Variants in RGS6 observed in about 807,000 individuals in gnomAD.
The protein encoded by RGS6 is regulator of G-protein signaling 6.
RGS6 carries 30 observed loss-of-function variants against 78.5 expected under a neutral mutation model. The observed-to-expected ratio is 0.38, with a 90% CI of 0.29 to 0.52. RGS6 has a LOEUF of 0.52. Ranked by LOEUF, RGS6 falls within the 20% of genes least tolerant of loss-of-function variation. The probability of loss-of-function intolerance (pLI) is 0.85; values close to 1 mark genes in which losing one functional copy is unlikely to be tolerated. For synonymous variants in RGS6, 206 were observed against 206.0 expected, an observed-to-expected ratio of 1.00 and a Z score of 0.00; for missense variants, 495 against 609.7, an observed-to-expected ratio of 0.81 and a Z score of 1.98.
chr14:72,511,697 G>A (rs1462586443), intron 14 of RGS6: 1 of 152,248 alleles, frequency 6.6e-6, no homozygotes, highest in African/African-American at 2.4e-5. Context: ...ACCAAATGAG[G>A]AAAGAGGTGG....
At chr14:72,026,701 C>T (rs1231375460) in intron 2 of RGS6, among the ~76,000 whole-genome samples, 1 of 152,236 alleles carries the variant, frequency 6.6e-6, no homozygotes, top group Non-Finnish European at 1.5e-5. Context: ...CATCAGCCAT[C>T]TGTCCTGCTC....
intron 2 of RGS6, among the ~76,000 whole-genome samples, chr14:71,978,297 A>T (rs1206645989): frequency 2.4e-5 from 3 of 124,338 alleles, no homozygotes; most frequent in Non-Finnish European, 5.1e-5. Context: ...TTCCAACACT[A>T]TGTTGAATAG....
At chr14:72,370,612 T>C (rs1344095131) in intron 3 of RGS6, among the ~76,000 whole-genome samples, 1 of 152,164 alleles carries the variant, frequency 6.6e-6, no homozygotes, top group East Asian at 1.9e-4. Flanking sequence ...AGGCAGCAAC[T>C]ATATTAAACA....
At chr14:72,484,279 A>G (rs1236007047) in intron 12 of RGS6, among the ~76,000 whole-genome samples, 4 of 152,238 alleles carry the variant, frequency 2.6e-5, no homozygotes, top group Non-Finnish European at 5.9e-5. Context: ...ATAATGCTTT[A>G]GATTCCAGGC....
At chr14:72,521,964 T>A (rs2097049549) in intron 15 of RGS6, among the ~76,000 whole-genome samples, 1 of 152,226 alleles carries the variant, frequency 6.6e-6, no homozygotes, top group Non-Finnish European at 1.5e-5. Context: ...TTGGTAAAAA[T>A]TTTTAAATAA....
intron 3 of RGS6, among the ~76,000 whole-genome samples, chr14:72,377,344 A>G (rs1170814071): frequency 1.3e-5 from 2 of 152,238 alleles, no homozygotes; most frequent in Non-Finnish European, 2.9e-5. Flanking sequence ...CAGCAAGAGA[A>G]TATAACAATT....
At position 72,243,928 on chromosome 14, in the gene RGS6, C is replaced by T. The variant is rs372436701; in HGVS notation, c.85-108167C>T. ...GATCATGGACCAGAAATGTTACTCT[C>T]CAAAGGTTTGCTAGAGCTTTACTTT... is the stretch of plus-strand genomic sequence containing the variant. On this transcript the variant is annotated intron_variant, in intron 2 of 17. Transcript: ENST00000553525. Among the ~76,000 whole-genome samples the T allele has an allele frequency of 8.5e-5, 13 of 152,268 alleles. No homozygotes were observed. The East Asian group carries it at 2.3e-3, about 27-fold the overall frequency.
At chr14:71,995,278 G>A (rs967171398) in intron 2 of RGS6, among the ~76,000 whole-genome samples, 3 of 152,158 alleles carry the variant, frequency 2.0e-5, no homozygotes, top group African/African-American at 7.2e-5. Flanking sequence ...GGAAGATCTG[G>A]CAACACCAGG....
chr14:72,281,536 A>G (rs934245893), intron 2 of RGS6, among the ~76,000 whole-genome samples: 3 of 152,194 alleles, frequency 2.0e-5, no homozygotes, highest in Admixed American at 1.3e-4. Context: ...TTCTACTACT[A>G]GAGGAATACA....
intron 17 of RGS6, among the ~76,000 whole-genome samples, chr14:72,549,189 T>A (rs1261166138): frequency 1.3e-5 from 2 of 151,990 alleles, no homozygotes; most frequent in African/African-American, 4.8e-5. Flanking sequence ...AGGGAAACCG[T>A]CAGGAAGTGG....
chr14:72,009,667 C>G (rs1365729066), intron 2 of RGS6, among the ~76,000 whole-genome samples: 1 of 152,192 alleles, frequency 6.6e-6, no homozygotes, highest in African/African-American at 2.4e-5. Context: ...AGCTCCTGAG[C>G]TAGGAGCACC....
chr14:72,309,435 AAGTG>A (rs2068034670), intron 2 of RGS6, among the ~76,000 whole-genome samples: 1 of 152,216 alleles, frequency 6.6e-6, no homozygotes, highest in Admixed American at 6.5e-5. Flanking sequence ...CTAAGCAGAT[AAGTG>A]AGTGAGTGGA....
intron 15 of RGS6, among the ~76,000 whole-genome samples, chr14:72,532,440 C>G (rs1444042264): frequency 6.6e-6 from 1 of 152,118 alleles, no homozygotes; most frequent in Non-Finnish European, 1.5e-5. Flanking sequence ...GAAATTGGGC[C>G]AATTAATAAC....
chr14:72,133,979 T>G (rs2096384812), intron 2 of RGS6, among the ~76,000 whole-genome samples: 2 of 152,174 alleles, frequency 1.3e-5, no homozygotes, highest in Non-Finnish European at 2.9e-5. Context: ...AACCCAGACA[T>G]AGCATCTTTC....
In RGS6 at chr14:72,200,915, G is replaced by T. The variant is rs563961605; in HGVS notation, c.85-151180G>T. Among the ~76,000 whole-genome samples, 3 of 143,190 alleles carry T rather than the reference G, an allele frequency of 2.1e-5. No individual in the cohort carries two copies. The East Asian group carries it at 6.4e-4, about 31-fold the overall frequency. The allele number at this position is 143,190 out of a possible 152,430, so 93.9% of individuals were successfully genotyped here. ...GGATGAGGGGGGTTGGTATGATTTAGGGACAGTTCCTAGAAGGAGATACTT... is the reference window on the plus strand; with the variant it reads ...GGATGAGGGGGGTTGGTATGATTTATGGACAGTTCCTAGAAGGAGATACTT... On this transcript the variant is annotated intron_variant, in intron 2 of 17. Coordinates refer to ENST00000553525, the MANE Select transcript of RGS6 (RefSeq NM_001204424.2).
chr14:72,319,120 GATATT>G (rs1424569628), intron 2 of RGS6, among the ~76,000 whole-genome samples: 2 of 152,088 alleles, frequency 1.3e-5, no homozygotes, highest in South Asian at 2.1e-4. Flanking sequence ...ACACTACAAA[GATATT>G]ATAATATAAA....
intron 2 of RGS6, among the ~76,000 whole-genome samples, chr14:72,117,274 C>CT (rs1344924325): frequency 2.6e-5 from 4 of 151,984 alleles, no homozygotes; most frequent in Non-Finnish European, 5.9e-5. Flanking sequence ...GAGGTGGGGG[C>CT]TGGTGGGAGG....
At chr14:72,511,863 C>G (rs1469298119) in intron 14 of RGS6, 1 of 152,238 alleles carries the variant, frequency 6.6e-6, no homozygotes, top group African/African-American at 2.4e-5. Flanking sequence ...TTTCCTTGTG[C>G]TGAAGCATGA....
chr14:72,417,245 A>G (rs1170831008), intron 3 of RGS6, among the ~76,000 whole-genome samples: 1 of 152,230 alleles, frequency 6.6e-6, no homozygotes, highest in Non-Finnish European at 1.5e-5. Flanking sequence ...TGGTGAGGTC[A>G]TTGTCAAATA....
Sources: allele counts gnomAD v4.1 joint callset (sites outside exome capture counted in the v4.1 genomes callset), GRCh38; gene constraint gnomAD v4.1.1; transcripts MANE v1.5; gene names NCBI Gene and HGNC (gene_info 2026-07-23, HGNC 2026-07-21).